TM2D2: variants seen among roughly 807,000 people sequenced by gnomAD.
TM2D2 encodes TM2 domain-containing protein 2.
In TM2D2, 19 loss-of-function variants were observed where a neutral mutation model predicts 23.0. The observed-to-expected ratio is 0.82, with a 90% CI of 0.58 to 1.21. The LOEUF (loss-of-function observed/expected upper bound fraction) is 1.21. Ranked by LOEUF, TM2D2 falls within the 50% of genes most tolerant of loss-of-function variation. The pLI is 0.00. For missense variants in TM2D2, 246 were observed against 265.4 expected, an observed-to-expected ratio of 0.93 and a Z score of 0.51; for synonymous variants, 120 against 108.8, an observed-to-expected ratio of 1.10 and a Z score of -0.64.
At chr8:38,995,891 G>A (rs1009103595) in intron 1 of TM2D2, 1 of 884,324 alleles carries the variant, frequency 1.1e-6, no homozygotes, top group South Asian at 2.4e-5. Flanking sequence ...TACTGGCACC[G>A]AATCGACCGA....
Position 38,990,741 on chromosome 8 carries a change from G to A in TM2D2, c.*591C>T. 1 of 153,846 alleles carries A rather than the reference G, an allele frequency of 6.5e-6. No individual in the cohort carries two copies. Among genetic ancestry groups the A allele is most frequent in the Non-Finnish European group, 1.4e-5 (1 of 69,142 alleles). 9.5% of individuals were successfully genotyped at this position (153,846 alleles called of 1,614,324 possible). ...TAGGATGGCTCATTTCAAATGACTAGGTTTCTGCAAAACAAATATAATTTT... is the reference window on the plus strand; with the variant it reads ...TAGGATGGCTCATTTCAAATGACTAAGTTTCTGCAAAACAAATATAATTTT... On this transcript the variant is annotated 3_prime_UTR_variant, in exon 4 of 4. Transcript: ENST00000456397.
upstream of TM2D2, chr8:38,996,784 G>A (rs1190695639): frequency 3.5e-6 from 5 of 1,421,412 alleles, no homozygotes; most frequent in Middle Eastern, 2.6e-4. Context: ...TATGACTGGC[G>A]GGCCGACTAG....
In TM2D2 at chr8:38,991,470, A is replaced by G. The variant is rs745838695; in HGVS notation, c.507T>C (p.Cys169=). Residue 169 remains cysteine (C), a synonymous_variant, in exon 4 of 4, where the codon TGT becomes TGC. Transcript: ENST00000456397. ...FLGCFGVDRF[C]LGHTGTAVGK... ...CTACTGCAGTGCCAGTGTGTCCCAAACAGAATCGATCCACACCAAAACATC... is the reference window on the plus strand; with the variant it reads ...CTACTGCAGTGCCAGTGTGTCCCAAGCAGAATCGATCCACACCAAAACATC... 1 of 1,614,184 alleles carries G rather than the reference A, an allele frequency of 6.2e-7. No individual in the cohort carries two copies. The highest frequency in any genetic ancestry group is 1.1e-5 in the South Asian group (1 of 91,078).
At chr8:38,996,539 C>A, upstream of TM2D2, 2 of 1,504,828 alleles carry the variant, frequency 1.3e-6, no homozygotes, top group Non-Finnish European at 1.8e-6. Flanking sequence ...CGTAGCCCCG[C>A]CCGCGTAGCC....
rs770967807 is a variant in TM2D2 at position 38,991,300 on chromosome 8, C to T, written c.*32G>A. Reference sequence around the variant, plus strand: ...ATGAATTCAGAAGACGGAGCTTTCACCCGCCTCCCTGGGCCATGATGGCAG... The same window carrying T: ...ATGAATTCAGAAGACGGAGCTTTCATCCGCCTCCCTGGGCCATGATGGCAG... On this transcript the variant is annotated 3_prime_UTR_variant, in exon 4 of 4. Coordinates refer to ENST00000456397, the MANE Select transcript of TM2D2 (RefSeq NM_078473.3). 5.7e-6 allele frequency: 9 copies of T among 1,582,660 alleles called. No homozygotes were observed. The highest frequency in any genetic ancestry group is 1.1e-5 in the South Asian group (1 of 89,662).
At chr8:38,996,135 C>T in intron 1 of TM2D2, 78 bp downstream of exon 1, 1 of 1,493,664 alleles carries the variant, frequency 6.7e-7, no homozygotes, top group South Asian at 1.3e-5. Context: ...AGCGTCCCCC[C>T]AACCCTGCCT....
intron 2 of TM2D2, among the ~76,000 whole-genome samples, chr8:38,994,908 C>T (rs1256570447): frequency 2.6e-5 from 4 of 152,216 alleles, no homozygotes; most frequent in Non-Finnish European, 5.9e-5. Flanking sequence ...AAAGAAATGT[C>T]ATTGGCAAGA....
chr8:38,991,905 T>A (rs1048541484), intron 3 of TM2D2, among the ~76,000 whole-genome samples: 1 of 152,094 alleles, frequency 6.6e-6, no homozygotes, highest in South Asian at 2.1e-4. Flanking sequence ...ACTGGCTAGT[T>A]TGAATAACCT....
At chr8:38,994,852 CTCTA>C (rs1835707444) in intron 2 of TM2D2, among the ~76,000 whole-genome samples, 1 of 137,500 alleles carries the variant, frequency 7.3e-6, no homozygotes, top group Non-Finnish European at 1.5e-5. Flanking sequence ...TACCGGTAGA[CTCTA>C]TCTGTCTCCT....
At chr8:38,995,878 CAG>C in intron 1 of TM2D2, 1 of 988,514 alleles carries the variant, frequency 1.0e-6, no homozygotes, top group South Asian at 2.4e-5. Context: ...ATGCCTTACT[CAG>C]TACTGGCACC....
intron 1 of TM2D2, chr8:38,995,819 C>CT: frequency 1.7e-6 from 2 of 1,211,974 alleles, no homozygotes; most frequent in Non-Finnish European, 2.1e-6. Flanking sequence ...ATATTGATTG[C>CT]TTTTTTAAAA....
chr8:38,996,976 CTTGGGGCCCCGGCAGGG>C, upstream of TM2D2: 1 of 1,529,850 alleles, frequency 6.5e-7, no homozygotes, highest in Non-Finnish European at 8.8e-7. Context: ...CCCGGCCAGA[CTTGGGGCCCCGGCAGGG>C]TTGGAAAATG....
chr8:38,995,373 A>G lies in TM2D2; in HGVS notation c.260T>C (p.Val87Ala). Residue 87 changes from valine (V) to alanine (A), a missense_variant, in exon 2 of 4, where the codon GTG becomes GCG. By Grantham distance (64) the Val-to-Ala change is moderately conservative. Transcript: ENST00000456397. Reference protein sequence around the residue: ...PDEFIECEDPVDHVGNATASQ... With the variant: ...PDEFIECEDPADHVGNATASQ... ...TGCAGTTGCATTTCCAACATGATCC[A>G]CTGGGTCTTCACATTCTATAAATTC... 6.2e-7 allele frequency: 1 copy of G among 1,611,276 alleles called. No homozygotes were observed. Among genetic ancestry groups the G allele is most frequent in the Non-Finnish European group, 8.5e-7 (1 of 1,179,172 alleles).
chr8:38,996,730 C>T (rs1835817121), upstream of TM2D2: 3 of 1,415,512 alleles, frequency 2.1e-6, no homozygotes, highest in Non-Finnish European at 2.8e-6. Flanking sequence ...GATCCGTCGA[C>T]CCCCCTAGGT....
chr8:38,996,865 C>T, upstream of TM2D2: 1 of 1,466,816 alleles, frequency 6.8e-7, no homozygotes. Context: ...TACGTCAGCG[C>T]AGCTAGGCGA....
At position 38,996,487 on chromosome 8, in the gene TM2D2, C is replaced by G. The variant is rs373730887; in HGVS notation, c.-48G>C. ...ACCCGGCCTCAACCACAACCCCAGGCCAGCAGCACAGACCCAAGAACTGCG... is the reference window on the plus strand; with the variant it reads ...ACCCGGCCTCAACCACAACCCCAGGGCAGCAGCACAGACCCAAGAACTGCG... On this transcript the variant is annotated 5_prime_UTR_variant, in exon 1 of 4. Transcript: ENST00000456397. The G allele has an allele frequency of 1.8e-4, 286 of 1,609,944 alleles. No individual in the cohort carries two copies. The highest frequency in any genetic ancestry group is 2.4e-4 in the Non-Finnish European group (278 of 1,177,740).
rs1835583207 is a variant in TM2D2, at chr8:38,990,996, T to G, written c.*336A>C. 3.5e-6 allele frequency: 1 copy of G among 283,842 alleles called. No homozygotes were observed. Among genetic ancestry groups the G allele is most frequent in the East Asian group, 8.3e-5 (1 of 12,094 alleles). 17.6% of individuals were successfully genotyped at this position (283,842 alleles called of 1,614,324 possible). ...ATTTTGCTCAACTTGTTAGGTCCACTTGCTCCAAAGGACTGAAGATATAGC... is the reference window on the plus strand; with the variant it reads ...ATTTTGCTCAACTTGTTAGGTCCACGTGCTCCAAAGGACTGAAGATATAGC... On this transcript the variant is annotated 3_prime_UTR_variant, in exon 4 of 4. Transcript: ENST00000456397.
In TM2D2 at chr8:38,992,287, G is replaced by A. The variant is rs796225276; in HGVS notation, c.432-742C>T. ...TCCAGGCCAACCTAGGCAACATAGC[G>A]AGACCCTGTTTCTACCAAAAAAAAA... On this transcript the variant is annotated intron_variant, in intron 3 of 3. Transcript: ENST00000456397. 2.4e-5 allele frequency among the ~76,000 whole-genome samples: 3 copies of A among 122,590 alleles called. 1 individual carries two copies. Among genetic ancestry groups the A allele is most frequent in the East Asian group, 2.6e-4 (1 of 3,894 alleles). The allele number at this position is 122,590 out of a possible 152,430, so 80.4% of individuals were successfully genotyped here. A position where few individuals can be genotyped will look rare whatever the true frequency, so the allele number is the denominator to read the frequency against.
At position 38,996,146 on chromosome 8, in the gene TM2D2, T is replaced by C; in HGVS notation, c.227+67A>G. On this transcript the variant is annotated intron_variant, in intron 1 of 3. Transcript: ENST00000456397. ...ATGCAGCGTCCCCCCAACCCTGCCT[T>C]CCCTTAACACCCATATATTCCTGGC... 4.6e-6 allele frequency: 7 copies of C among 1,532,922 alleles called. No homozygotes were observed. The South Asian group carries it at 8.5e-5, about 19-fold the overall frequency. The allele number at this position is 1,532,922 out of a possible 1,614,324, so 95.0% of individuals were successfully genotyped here.
Sources: allele counts gnomAD v4.1 joint callset (sites outside exome capture counted in the v4.1 genomes callset), GRCh38; gene constraint gnomAD v4.1.1; transcripts MANE v1.5; gene names NCBI Gene and HGNC (gene_info 2026-07-23, HGNC 2026-07-21).